ODAD4: variants seen among roughly 807,000 people sequenced by gnomAD.
The protein encoded by ODAD4 is outer dynein arm-docking complex subunit 4.
ODAD4 carries 49 observed loss-of-function variants against 51.8 expected under a neutral mutation model. The ratio of observed to expected loss-of-function variants is 0.95; its 90% CI spans 0.75 to 1.20. ODAD4 has a LOEUF of 1.20. ODAD4 is among the 50% of genes most tolerant of loss of function. The pLI is 0.00. For missense variants in ODAD4, 590 were observed against 586.5 expected, an observed-to-expected ratio of 1.01 and a Z score of -0.06; for synonymous variants, 235 against 221.3, an observed-to-expected ratio of 1.06 and a Z score of -0.55.
At position 41,965,198 on chromosome 17, in the gene ODAD4, G is replaced by C; in HGVS notation, c.1734G>C (p.Leu578Phe). 1 of 773,884 alleles carries C rather than the reference G, an allele frequency of 1.3e-6. No individual in the cohort carries two copies. Among genetic ancestry groups the C allele is most frequent in the Non-Finnish European group, 2.4e-6 (1 of 414,726 alleles). The allele number at this position is 773,884 out of a possible 1,614,324, so 47.9% of individuals were successfully genotyped here. ...AAGCAGGAAAAGCCAGAAGCGATTT[G>C]GGAGCAGTTGCCAAGGGCCTGTCAG... Reference protein sequence around the residue: ...SVEAGKARSDLGAVAKGLSGE... With the variant: ...SVEAGKARSDFGAVAKGLSGE... Residue 578 changes from leucine (L) to phenylalanine (F), a missense_variant, in exon 12 of 12, where the codon TTG becomes TTC. Physicochemically the swap from Leu to Phe is conservative, Grantham distance 22. Transcript: ENST00000377540.
intron 10 of ODAD4, among the ~76,000 whole-genome samples, chr17:41,956,609 T>A (rs2050737842): frequency 6.7e-6 from 1 of 149,914 alleles, no homozygotes; most frequent in Non-Finnish European, 1.5e-5. Flanking sequence ...ATAAAAAAAA[T>A]TAGCCGGGTG....
intron 7 of ODAD4, among the ~76,000 whole-genome samples, chr17:41,942,078 G>T (rs1473854307): frequency 6.6e-6 from 1 of 152,178 alleles, no homozygotes; most frequent in Non-Finnish European, 1.5e-5. Flanking sequence ...CTCCCAAGTA[G>T]CTGGGATTAT....
At chr17:41,958,250 C>T (rs2050758580) in intron 10 of ODAD4, among the ~76,000 whole-genome samples, 1 of 152,178 alleles carries the variant, frequency 6.6e-6, no homozygotes, top group Non-Finnish European at 1.5e-5. Flanking sequence ...GTGAGGAGCC[C>T]TCACATCAGG....
chr17:41,936,766 T>C lies in ODAD4; in HGVS notation c.464T>C (p.Ile155Thr), dbSNP rs370683881. Residue 155 changes from isoleucine to threonine, a missense_variant, in exon 5 of 12, where the codon ATA becomes ACA. By Grantham distance (89) the Ile-to-Thr change is moderately conservative (BLOSUM62 -1). Coordinates refer to ENST00000377540, the MANE Select transcript of ODAD4 (RefSeq NM_031421.5). ...GGTGTTGCTCCATTTTCTCAGAATA[T>C]AAAAGCCCAGCAGAAGCCTCAGCCC... The part of the protein sequence containing the change: ...LSFLSKQAEN[I>T]KAQQKPQPMK... 4 of 1,613,844 alleles carry C rather than the reference T, an allele frequency of 2.5e-6. No homozygotes were observed. The highest frequency in any genetic ancestry group is 3.3e-5 in the Admixed American group (2 of 59,992).
Position 41,935,218 on chromosome 17 carries a change from C to G in ODAD4, c.116C>G (p.Ala39Gly), listed in dbSNP as rs2050407088. The change falls in exon 2 of 12, where the codon GCT (alanine) becomes GGT (glycine). Residue 39 changes from alanine (A) to glycine (G), a missense_variant and splice_region_variant. By Grantham distance (60) the Ala-to-Gly change is moderately conservative (BLOSUM62 0). This residue lies in a region of ODAD4 where 360 missense variants were observed against 407.5 expected (regional missense o/e 0.88). Coordinates refer to ENST00000377540, the MANE Select transcript of ODAD4 (RefSeq NM_031421.5). ...FSKAAQSFSNALYLQDGDKNC... is the reference protein window; with the variant it reads ...FSKAAQSFSNGLYLQDGDKNC... ...CAACCTGACTGGTTTCTTTGTCAGG[C>G]TCTTTACCTTCAGGATGGAGACAAG... 6.2e-7 allele frequency: 1 copy of G among 1,613,786 alleles called. No homozygotes were observed. The highest frequency in any genetic ancestry group is 8.5e-7 in the Non-Finnish European group (1 of 1,179,878).
At chr17:41,940,898 G>A (rs755105488) in intron 7 of ODAD4, among the ~76,000 whole-genome samples, 15 of 152,116 alleles carry the variant, frequency 9.9e-5, no homozygotes, top group South Asian at 2.1e-4. Flanking sequence ...TGTCCAAATC[G>A]GAATCCCTTA....
chr17:41,941,685 G>T (rs2050508314), intron 7 of ODAD4, among the ~76,000 whole-genome samples: 1 of 151,816 alleles, frequency 6.6e-6, no homozygotes, highest in Non-Finnish European at 1.5e-5. Flanking sequence ...GGAGGCTGAG[G>T]CAGGAGAATG....
Position 41,965,349 on chromosome 17 carries a change from A to G in ODAD4, c.1885A>G (p.Arg629Gly). 1 of 780,798 alleles carries G rather than the reference A, an allele frequency of 1.3e-6. No individual in the cohort carries two copies. Among genetic ancestry groups the G allele is most frequent in the Non-Finnish European group, 2.4e-6 (1 of 417,980 alleles). The allele number at this position is 780,798 out of a possible 1,614,324, so 48.4% of individuals were successfully genotyped here. A position where few individuals can be genotyped will look rare whatever the true frequency, so the allele number is the denominator to read the frequency against. The change falls in exon 12 of 12, where the codon AGA becomes GGA. Residue 629 changes from arginine to glycine, a missense_variant. Arg to Gly is a moderately radical substitution (Grantham distance 125). Coordinates refer to ENST00000377540, the MANE Select transcript of ODAD4 (RefSeq NM_031421.5). ...GCAAAGACTCTCAGGAGAATTCAGCAGACAGGAACCAGAAGAACTAAAGAA... is the reference window on the plus strand; with the variant it reads ...GCAAAGACTCTCAGGAGAATTCAGCGGACAGGAACCAGAAGAACTAAAGAA... ...LEQRLSGEFS[R>G]QEPEELKKLS...
intron 10 of ODAD4, among the ~76,000 whole-genome samples, chr17:41,958,633 C>T (rs144239109): frequency 0.051 from 7,578 of 147,268 alleles, 221 homozygotes; most frequent in East Asian, 0.11. Flanking sequence ...TGCACTCCAG[C>T]CTAGGCAACA....
chr17:41,939,032 A>T lies in ODAD4; in HGVS notation c.918A>T (p.Glu306Asp), dbSNP rs1056876609. The T allele has an allele frequency of 6.2e-7, 1 of 1,613,556 alleles. No homozygotes were observed. The highest frequency in any genetic ancestry group is 1.3e-5 in the African/African-American group (1 of 74,950). Residue 306 changes from glutamate to aspartate, a missense_variant, in exon 7 of 12, where the codon GAA (glutamate) becomes GAT (aspartate). Glu to Asp is a conservative substitution (Grantham distance 45). This residue lies in a region of ODAD4 where 360 missense variants were observed against 407.5 expected (regional missense o/e 0.88). Coordinates refer to ENST00000377540, the MANE Select transcript of ODAD4 (RefSeq NM_031421.5). Reference protein sequence around the residue: ...KAEKVLKKVLEWNKEEVPNKD... With the variant: ...KAEKVLKKVLDWNKEEVPNKD... ...AGAAAGTGCTGAAGAAGGTACTGGA[A>T]TGGAACAAGGAAGAGGTACCCAACA... is the stretch of plus-strand genomic sequence containing the variant.
intron 7 of ODAD4, among the ~76,000 whole-genome samples, chr17:41,942,480 G>T (rs868995200): frequency 1.3e-5 from 2 of 152,200 alleles, no homozygotes; most frequent in African/African-American, 2.4e-5. Flanking sequence ...TATGAAAAAT[G>T]GACATATTAC....
intron 1 of ODAD4, among the ~76,000 whole-genome samples, chr17:41,932,288 C>G (rs1239785390): frequency 6.6e-6 from 1 of 151,994 alleles, no homozygotes; most frequent in Non-Finnish European, 1.5e-5. Context: ...AGGTTGATCT[C>G]GAACTCCCCA....
chr17:41,960,332 C>T (rs1404811747), intron 10 of ODAD4, among the ~76,000 whole-genome samples: 1 of 151,700 alleles, frequency 6.6e-6, no homozygotes, highest in Non-Finnish European at 1.5e-5. Context: ...AACAAAAAAA[C>T]AGTTACTCAG....
intron 8 of ODAD4, among the ~76,000 whole-genome samples, chr17:41,946,474 G>A (rs559140657): frequency 1.4e-4 from 21 of 152,082 alleles, no homozygotes; most frequent in East Asian, 9.7e-4. Flanking sequence ...ACAGGCGCCC[G>A]CCACCACGCC....
At chr17:41,957,035 G>A (rs1407778135) in intron 10 of ODAD4, among the ~76,000 whole-genome samples, 1 of 152,146 alleles carries the variant, frequency 6.6e-6, no homozygotes, top group Non-Finnish European at 1.5e-5. Flanking sequence ...CTCCCATCTA[G>A]ATGGGACTAC....
Position 41,944,439 on chromosome 17 carries a change from CACACA to C in ODAD4, c.1059-696_1059-692del, listed in dbSNP as rs1241133919. Among the ~76,000 whole-genome samples, 48 of 3,940 alleles carry C rather than the reference CACACA, an allele frequency of 0.012. 2 individuals carry two copies. The East Asian group carries it at 0.16, about 13-fold the overall frequency. The allele number at this position is 3,940 out of a possible 152,430, so 2.6% of individuals were successfully genotyped here. On this transcript the variant is annotated intron_variant, in intron 7 of 11. Coordinates refer to ENST00000377540, the MANE Select transcript of ODAD4 (RefSeq NM_031421.5). Reference sequence around the variant, plus strand: ...ACACACACACACACACACACACACACACACACCCCCCCGCATACACAGAAATTGCC... The same window carrying C: ...ACACACACACACACACACACACACACCCCCCCCGCATACACAGAAATTGCC...
At chr17:41,952,783 T>C in intron 9 of ODAD4, 3 of 402,246 alleles carry the variant, frequency 7.5e-6, no homozygotes, top group Non-Finnish European at 1.5e-5. Context: ...CAGACTTTAG[T>C]GCAGTGTCAC....
At chr17:41,948,847 GT>G (rs2050619993) in intron 8 of ODAD4, among the ~76,000 whole-genome samples, 1 of 152,104 alleles carries the variant, frequency 6.6e-6, no homozygotes, top group Non-Finnish European at 1.5e-5. Flanking sequence ...TTGCCAGCTT[GT>G]CTAGGCTGAT....
chr17:41,959,226 A>G (rs887356345), intron 10 of ODAD4, among the ~76,000 whole-genome samples: 39 of 152,292 alleles, frequency 2.6e-4, no homozygotes, highest in African/African-American at 8.2e-4. Flanking sequence ...TAAAGTCTGC[A>G]CACCAACTTC....
Sources: allele counts gnomAD v4.1 joint callset (sites outside exome capture counted in the v4.1 genomes callset), GRCh38; gene constraint gnomAD v4.1.1; regional missense constraint gnomAD v4.1.1; transcripts MANE v1.5; gene names NCBI Gene and HGNC (gene_info 2026-07-23, HGNC 2026-07-21).